The following ULK4 variants were observed in gnomAD, a reference collection of about 807,000 sequenced individuals.
ULK4 encodes inactive serine/threonine-protein kinase ULK4.
ULK4 carries 133 observed loss-of-function variants against 160.6 expected under a neutral mutation model. The observed-to-expected ratio is 0.83, with a 90% CI of 0.72 to 0.96. The LOEUF is 0.96. Ranked by LOEUF, ULK4 falls within the 40% of genes least tolerant of loss-of-function variation. The probability of loss-of-function intolerance (pLI) is 0.00; values close to 1 mark genes in which losing one functional copy is unlikely to be tolerated. For synonymous variants in ULK4, 534 were observed against 539.8 expected (o/e 0.99, Z 0.15); for missense variants, 1,580 against 1,499.5 (o/e 1.05, Z -0.89).
chr3:41,460,316 A>T (rs990077873), intron 33 of ULK4, among the ~76,000 whole-genome samples: 3 of 152,210 alleles, frequency 2.0e-5, no homozygotes, highest in African/African-American at 7.2e-5. Flanking sequence ...GAATTAGAAT[A>T]ATAAATATTT....
chr3:41,705,336 GT>G (rs757324416), intron 25 of ULK4, 31 bp from the exon 26 acceptor site: 1 of 1,536,704 alleles, frequency 6.5e-7, no homozygotes, highest in Admixed American at 1.8e-5. Flanking sequence ...AATAAATAGA[GT>G]TTCAAAGTAA....
At chr3:41,302,566 G>A (rs1029137007) in intron 35 of ULK4, among the ~76,000 whole-genome samples, 1 of 152,170 alleles carries the variant, frequency 6.6e-6, no homozygotes, top group African/African-American at 2.4e-5. Context: ...TCCGCATGTT[G>A]TAATGAGCCA....
At chr3:41,654,493 A>G (rs7652146) in intron 30 of ULK4, among the ~76,000 whole-genome samples, 5,883 of 152,276 alleles carry the variant, frequency 0.039, 280 homozygotes, top group African/African-American at 0.11. Flanking sequence ...AATTAGGACA[A>G]TTTTAATTTA....
intron 17 of ULK4, among the ~76,000 whole-genome samples, chr3:41,869,602 A>G (rs1697018988): frequency 6.6e-6 from 1 of 152,150 alleles, no homozygotes; most frequent in Non-Finnish European, 1.5e-5. Flanking sequence ...CATATACAAT[A>G]TATACATAAA....
chr3:41,453,740 T>C (rs1042434526), intron 34 of ULK4, among the ~76,000 whole-genome samples: 2 of 152,124 alleles, frequency 1.3e-5, no homozygotes, highest in African/African-American at 4.8e-5. Context: ...ATTATTGTTA[T>C]TGTTCACTTT....
intron 35 of ULK4, among the ~76,000 whole-genome samples, chr3:41,375,930 T>A (rs938890614): frequency 1.3e-5 from 2 of 149,516 alleles, no homozygotes; most frequent in Non-Finnish European, 1.5e-5. Flanking sequence ...TTAAACAAAT[T>A]TACGAGAAAA....
intron 32 of ULK4, among the ~76,000 whole-genome samples, chr3:41,464,992 G>A (rs2083790698): frequency 6.6e-6 from 1 of 152,172 alleles, no homozygotes; most frequent in Non-Finnish European, 1.5e-5. Flanking sequence ...GTAAAAAACA[G>A]ACAACAGATG....
chr3:41,891,797 C>T (rs147967139), intron 16 of ULK4, among the ~76,000 whole-genome samples: 3 of 152,000 alleles, frequency 2.0e-5, no homozygotes, highest in African/African-American at 7.2e-5. Flanking sequence ...CCCAGCTACT[C>T]GGGAGGCTGA....
chr3:41,705,002 A>G (rs1223795944), intron 27 of ULK4, 55 bp downstream of exon 27: 20 of 1,425,198 alleles, frequency 1.4e-5, no homozygotes, highest in Non-Finnish European at 1.7e-5. Context: ...TCTTTATATA[A>G]GGAATTACCA....
chr3:41,249,990 T>A (rs190464561), intron 35 of ULK4, among the ~76,000 whole-genome samples: 2 of 152,328 alleles, frequency 1.3e-5, no homozygotes, highest in East Asian at 3.9e-4. Flanking sequence ...ACATGATCTC[T>A]TTCACGTGGA....
At chr3:41,831,304 T>G (rs1297877966) in intron 18 of ULK4, among the ~76,000 whole-genome samples, 1 of 151,738 alleles carries the variant, frequency 6.6e-6, no homozygotes, top group Non-Finnish European at 1.5e-5. Context: ...GGGATGGAAA[T>G]GTTCTATCAC....
chr3:41,562,126 G>A (rs2087602374), intron 32 of ULK4, among the ~76,000 whole-genome samples: 1 of 152,188 alleles, frequency 6.6e-6, no homozygotes, highest in Non-Finnish European at 1.5e-5. Context: ...TTACCGAGTA[G>A]TCACTCAGGA....
At chr3:41,929,245 T>A (rs1178685522) in intron 5 of ULK4, among the ~76,000 whole-genome samples, 1 of 152,090 alleles carries the variant, frequency 6.6e-6, no homozygotes, top group African/African-American at 2.4e-5. Flanking sequence ...AAAAACCACA[T>A]GATTATCTCA....
At chr3:41,251,364 G>A (rs570424442) in intron 35 of ULK4, among the ~76,000 whole-genome samples, 8 of 152,256 alleles carry the variant, frequency 5.3e-5, no homozygotes, top group East Asian at 1.9e-4. Context: ...CCAGTTCTGC[G>A]TAAGACAGAG....
At chr3:41,863,432 T>C (rs866880909) in intron 17 of ULK4, among the ~76,000 whole-genome samples, 4 of 150,936 alleles carry the variant, frequency 2.7e-5, no homozygotes, top group African/African-American at 9.8e-5. Flanking sequence ...CTTTTGGTGT[T>C]CTACCCTCTT....
intron 30 of ULK4, among the ~76,000 whole-genome samples, chr3:41,629,391 T>C (rs1371626983): frequency 6.6e-6 from 1 of 152,126 alleles, no homozygotes; most frequent in African/African-American, 2.4e-5. Context: ...CAGCTTGGCC[T>C]CTCTCTGCAT....
At chr3:41,942,115 G>C (rs1416832031) in intron 2 of ULK4, among the ~76,000 whole-genome samples, 1 of 152,186 alleles carries the variant, frequency 6.6e-6, no homozygotes, top group Non-Finnish European at 1.5e-5. Flanking sequence ...GTGCCACACA[G>C]GGCTACTGAG....
intron 22 of ULK4, among the ~76,000 whole-genome samples, chr3:41,724,495 C>T (rs565119288): frequency 8.3e-4 from 126 of 152,100 alleles, no homozygotes; most frequent in Non-Finnish European, 1.1e-3. Context: ...GAGGCCGAGG[C>T]GGGTGGATCA....
chr3:41,625,200 T>C (rs2033441672), intron 30 of ULK4, among the ~76,000 whole-genome samples: 1 of 152,166 alleles, frequency 6.6e-6, no homozygotes, highest in African/African-American at 2.4e-5. Flanking sequence ...TATCCAAGGG[T>C]ATCGCACATA....
Sources: gnomAD v4.1 joint callset for allele counts (sites outside exome capture counted in the v4.1 genomes callset) on GRCh38, gnomAD v4.1.1 for gene constraint, MANE v1.5 for transcripts, NCBI Gene and HGNC (gene_info 2026-07-23, HGNC 2026-07-21) for gene names.